Variants in MARCHF7 observed in about 807,000 individuals in gnomAD.
The protein encoded by MARCHF7 is E3 ubiquitin-protein ligase MARCHF7.
Under a neutral mutation model 76.5 loss-of-function variants are expected in MARCHF7, and 20 were observed. The observed-to-expected ratio is 0.26, with a 90% CI of 0.18 to 0.38. MARCHF7 has a LOEUF of 0.38. Among genes scored for constraint, MARCHF7 ranks in the 10% least tolerant of loss-of-function variants. The probability of loss-of-function intolerance (pLI) is 1.00; values close to 1 mark genes in which losing one functional copy is unlikely to be tolerated. For synonymous variants in MARCHF7, 295 were observed against 293.0 expected, an observed-to-expected ratio of 1.01 and a Z score of -0.07; for missense variants, 797 against 812.9, an observed-to-expected ratio of 0.98 and a Z score of 0.24.
Position 159,748,108 on chromosome 2 carries a change from A to G in MARCHF7, c.818A>G (p.Asn273Ser). Residue 273 changes from asparagine to serine, a missense_variant, in exon 7 of 12, where the codon AAT (asparagine) becomes AGT (serine). Coordinates refer to ENST00000409175, the MANE Select transcript of MARCHF7 (RefSeq NM_001282805.2). ...AGACCATTTCAAGAATCTTCTGACA[A>G]TGAAGGTAGGCGGACAACGAGGAGA... The part of the protein sequence containing the change: ...SQRPFQESSD[N>S]EGRRTTRRLL... 1.9e-6 allele frequency: 3 copies of G among 1,614,114 alleles called. No individual in the cohort carries two copies. The highest frequency in any genetic ancestry group is 1.3e-5 in the African/African-American group (1 of 75,056).
At position 159,752,390 on chromosome 2, in the gene MARCHF7, C is replaced by T. The variant is rs775584571; in HGVS notation, c.1614-12C>T. 1.3e-6 allele frequency: 2 copies of T among 1,561,874 alleles called. No homozygotes were observed. The highest frequency in any genetic ancestry group is 1.7e-6 in the Non-Finnish European group (2 of 1,155,524). Reference sequence around the variant, plus strand: ...GTTATGATAGCTTTGGGAAATGTGCCTTCTTTTCCAGCCTCCTTTTAGAGG... The same window carrying T: ...GTTATGATAGCTTTGGGAAATGTGCTTTCTTTTCCAGCCTCCTTTTAGAGG... On this transcript the variant is annotated splice_polypyrimidine_tract_variant and intron_variant, in intron 7 of 11. Transcript: ENST00000409175.
chr2:159,732,882 G>A lies in MARCHF7; in HGVS notation c.153+3707G>A, dbSNP rs997465121. The A allele has an allele frequency of 7.2e-5, 71 of 984,956 alleles. No individual in the cohort carries two copies. The African/African-American group carries it at 8.1e-4, about 11-fold the overall frequency. The allele number at this position is 984,956 out of a possible 1,614,324, so 61.0% of individuals were successfully genotyped here. On this transcript the variant is annotated intron_variant, in intron 4 of 11. Transcript: ENST00000409175. ...TCTGTGAAATGGTGATAGTGATAGC[G>A]GTTTCTTCATACAGCCACATCTATA...
In MARCHF7 at chr2:159,748,781, C is replaced by G. The variant is rs149881046; in HGVS notation, c.1491C>G (p.Thr497=). 6.2e-7 allele frequency: 1 copy of G among 1,613,906 alleles called. No individual in the cohort carries two copies. Among genetic ancestry groups the G allele is most frequent in the Non-Finnish European group, 8.5e-7 (1 of 1,180,032 alleles). ...AVPPALGSNL[T]DNVMITVDII... ...CTCCAGCACTTGGGAGTAATTTGAC[C>G]GACAATGTCATGATCACAGTAGATA... The change falls in exon 7 of 12, where the codon ACC becomes ACG. Residue 497 remains threonine, a synonymous_variant. Transcript: ENST00000409175.
chr2:159,759,108 C>T, intron 8 of MARCHF7, 118 bp from the exon 9 acceptor site: 2 of 617,500 alleles, frequency 3.2e-6, no homozygotes, highest in Non-Finnish European at 5.7e-6. Flanking sequence ...TGTAATATTT[C>T]CTTTTCTTCT....
rs1427329 is a variant in MARCHF7, at chr2:159,748,301, C to T, written c.1011C>T (p.Pro337=). The change falls in exon 7 of 12, where the codon CCC becomes CCT. Residue 337 remains proline, a synonymous_variant. Coordinates refer to ENST00000409175, the MANE Select transcript of MARCHF7 (RefSeq NM_001282805.2). ...ATGTACCATCAGCTTCTGAAGTTCC[C>T]GATAATAGGGCATCTGAAGCTTCTC... ...RSNVPSASEV[P]DNRASEASQG... The T allele has an allele frequency of 0.35, 567,086 of 1,612,676 alleles. 101,317 individuals carry two copies. The highest frequency in any genetic ancestry group is 0.44 in the South Asian group (39,857 of 90,944).
At chr2:159,728,030 G>A (rs532427535) in intron 3 of MARCHF7, among the ~76,000 whole-genome samples, 4 of 152,136 alleles carry the variant, frequency 2.6e-5, no homozygotes, top group Non-Finnish European at 5.9e-5. Flanking sequence ...TGTATGTGTA[G>A]TTTTATAGAT....
intron 8 of MARCHF7, among the ~76,000 whole-genome samples, chr2:159,755,101 C>T (rs918477752): frequency 6.6e-6 from 1 of 151,896 alleles, no homozygotes; most frequent in Non-Finnish European, 1.5e-5. Context: ...ATTGTGGCAA[C>T]CATAGAAATT....
chr2:159,756,767 C>A (rs1373360281), intron 8 of MARCHF7, among the ~76,000 whole-genome samples: 1 of 151,090 alleles, frequency 6.6e-6, no homozygotes, highest in Non-Finnish European at 1.5e-5. Flanking sequence ...AGGGTTGGGC[C>A]TCAGTTCCAT....
chr2:159,761,156 G>C (rs1400207778), intron 9 of MARCHF7, among the ~76,000 whole-genome samples: 1 of 151,038 alleles, frequency 6.6e-6, no homozygotes, highest in African/African-American at 2.4e-5. Context: ...CTCCCAAGTA[G>C]GTGGGATTGC....
chr2:159,746,288 C>T (rs1204835997), intron 6 of MARCHF7, among the ~76,000 whole-genome samples: 1 of 152,202 alleles, frequency 6.6e-6, no homozygotes, highest in Non-Finnish European at 1.5e-5. Context: ...TCTTCTACTT[C>T]TGAAATAACT....
chr2:159,713,518 T>A (rs1052003793), intron 1 of MARCHF7, among the ~76,000 whole-genome samples: 4 of 152,236 alleles, frequency 2.6e-5, no homozygotes, highest in African/African-American at 9.6e-5. Context: ...ATTAGCTATT[T>A]TTCTGATTAC....
In MARCHF7 at chr2:159,757,323, C is replaced by G. The variant is rs554985154; in HGVS notation, c.1784-1903C>G. Among the ~76,000 whole-genome samples the G allele has an allele frequency of 1.6e-4, 25 of 152,282 alleles. 1 individual carries two copies. The highest frequency in any genetic ancestry group is 4.4e-5 in the Non-Finnish European group (3 of 68,016). ...GTATTTCTCAGAGCTGCACAAAGAT[C>G]CCATCTGGTAGAAGGTTCATTCTGG... is the stretch of plus-strand genomic sequence containing the variant. On this transcript the variant is annotated intron_variant, in intron 8 of 11. Coordinates refer to ENST00000409175, the MANE Select transcript of MARCHF7 (RefSeq NM_001282805.2).
chr2:159,731,557 C>T (rs1182466773), intron 4 of MARCHF7, among the ~76,000 whole-genome samples: 3 of 147,890 alleles, frequency 2.0e-5, no homozygotes, highest in Non-Finnish European at 4.5e-5. Flanking sequence ...GAGTTTGAGA[C>T]CAGCCTAACC....
chr2:159,735,603 CTTCT>C (rs1703356507), intron 4 of MARCHF7, among the ~76,000 whole-genome samples: 1 of 152,062 alleles, frequency 6.6e-6, no homozygotes, highest in South Asian at 2.1e-4. Flanking sequence ...TTGTTAGTAG[CTTCT>C]TTGACTTAGC....
In MARCHF7 at chr2:159,728,990, G is replaced by GA; in HGVS notation, c.-14-15dup. ...TCATATTTTCCCAAAGGCAATTAATGAAAATTTTTATTTCACAGAAAAATC... is the reference window on the plus strand; with the variant it reads ...TCATATTTTCCCAAAGGCAATTAATGAAAAATTTTTATTTCACAGAAAAATC... On this transcript the variant is annotated intron_variant, in intron 3 of 11. Coordinates refer to ENST00000409175, the MANE Select transcript of MARCHF7 (RefSeq NM_001282805.2). The GA allele has an allele frequency of 2.0e-6, 3 of 1,497,776 alleles. No homozygotes were observed. The highest frequency in any genetic ancestry group is 2.7e-6 in the Non-Finnish European group (3 of 1,119,170). The allele number at this position is 1,497,776 out of a possible 1,614,324, so 92.8% of individuals were successfully genotyped here. A position where few individuals can be genotyped will look rare whatever the true frequency, so the allele number is the denominator to read the frequency against.
At chr2:159,745,082 TCTC>T (rs1400583957) in intron 5 of MARCHF7, among the ~76,000 whole-genome samples, 1 of 152,198 alleles carries the variant, frequency 6.6e-6, no homozygotes, top group Non-Finnish European at 1.5e-5. Flanking sequence ...TACTGGCAGT[TCTC>T]CAGCATCACT....
intron 4 of MARCHF7, among the ~76,000 whole-genome samples, chr2:159,738,777 G>T (rs1703770729): frequency 6.6e-6 from 1 of 152,214 alleles, no homozygotes; most frequent in South Asian, 2.1e-4. Flanking sequence ...CGTGGAACTG[G>T]CAGCCCAGCC....
intron 8 of MARCHF7, 23 bp downstream of exon 8, chr2:159,752,594 T>G (rs1705785430): frequency 1.4e-6 from 2 of 1,435,836 alleles, no homozygotes; most frequent in Non-Finnish European, 1.8e-6. Context: ...CTTTTGTGTT[T>G]TCACAATTTT....
rs140534326 is a variant in MARCHF7, at chr2:159,762,361, G to T, written c.1894-519G>T. The stretch of plus-strand genomic sequence containing the variant: ...TAGGTTAACACAACAGAACAGTTTT[G>T]AATTGAAGAACTGTTTTTACCAACT... On this transcript the variant is annotated intron_variant, in intron 9 of 11. Coordinates refer to ENST00000409175, the MANE Select transcript of MARCHF7 (RefSeq NM_001282805.2). Among the ~76,000 whole-genome samples, 434 of 152,252 alleles carry T rather than the reference G, an allele frequency of 2.9e-3. No homozygotes were observed. The Middle Eastern group carries it at 0.044, about 16-fold the overall frequency.
Sources: allele counts gnomAD v4.1 joint callset (sites outside exome capture counted in the v4.1 genomes callset), GRCh38; gene constraint gnomAD v4.1.1; transcripts MANE v1.5; gene names NCBI Gene and HGNC (gene_info 2026-07-23, HGNC 2026-07-21).